SMAGP: variants seen among roughly 807,000 people sequenced by gnomAD.
The protein encoded by SMAGP is small cell transmembrane and glycosylated protein.
A neutral mutation model predicts 10.1 loss-of-function variants in SMAGP; 7 were observed. The observed-to-expected ratio is 0.70, with a 90% CI of 0.40 to 1.31. The LOEUF (loss-of-function observed/expected upper bound fraction) is 1.31. SMAGP is among the 50% of genes most tolerant of loss of function. The pLI is 0.01. For missense variants in SMAGP, 113 were observed against 116.5 expected (o/e 0.97, Z 0.14); for synonymous variants, 49 against 47.2 (o/e 1.04, Z -0.16).
At chr12:51,253,232 A>C (rs1486276952) in intron 2 of SMAGP, among the ~76,000 whole-genome samples, 3 of 152,196 alleles carry the variant, frequency 2.0e-5, no homozygotes, top group Non-Finnish European at 4.4e-5. Flanking sequence ...CTGAGATTCC[A>C]GGTTCCTAGA....
At chr12:51,248,428 ACACACACTCTCTCTCTCTCTCTCTCTCT>A (rs1944802577) in intron 2 of SMAGP, among the ~76,000 whole-genome samples, 3 of 104,530 alleles carry the variant, frequency 2.9e-5, no homozygotes, top group African/African-American at 1.2e-4. Flanking sequence ...ACACACACAC[ACACACACTCTCTCTCTCTCTCTCTCTCT>A]CTCTCTCTCT....
intron 2 of SMAGP, among the ~76,000 whole-genome samples, chr12:51,247,977 G>GGGT (rs1035211742): frequency 1.3e-5 from 2 of 152,176 alleles, no homozygotes; most frequent in Non-Finnish European, 2.9e-5. Context: ...GCTGAAGCAG[G>GGGT]GGTAAGAGTT....
At chr12:51,261,334 A>T (rs1473987776) in intron 2 of SMAGP, among the ~76,000 whole-genome samples, 1 of 151,976 alleles carries the variant, frequency 6.6e-6, no homozygotes, top group African/African-American at 2.4e-5. Context: ...TGACCTTGTG[A>T]TTTGCCCACC....
At chr12:51,262,925 G>A (rs1237107501) in intron 2 of SMAGP, among the ~76,000 whole-genome samples, 1 of 152,078 alleles carries the variant, frequency 6.6e-6, no homozygotes, top group African/African-American at 2.4e-5. Flanking sequence ...CCTGGGACTC[G>A]GCCCCCTTTC....
At chr12:51,263,659 C>T (rs1473561029) in intron 2 of SMAGP, among the ~76,000 whole-genome samples, 3 of 152,072 alleles carry the variant, frequency 2.0e-5, no homozygotes, top group South Asian at 2.1e-4. Flanking sequence ...ACAACCTAGG[C>T]GGTAGCTGGT....
At chr12:51,246,620 G>GTA in intron 3 of SMAGP, 131 bp downstream of exon 3, 1 of 563,704 alleles carries the variant, frequency 1.8e-6, no homozygotes, top group Non-Finnish European at 3.0e-6. Context: ...GTGTGTGTGT[G>GTA]TGTGTGTGTG....
At chr12:51,267,399 G>A (rs975071345) in intron 2 of SMAGP, among the ~76,000 whole-genome samples, 2 of 151,542 alleles carry the variant, frequency 1.3e-5, no homozygotes, top group Non-Finnish European at 2.9e-5. Flanking sequence ...TATGAACCTT[G>A]TCCGTCTTTC....
rs1400223601 is a variant in SMAGP at position 51,245,183 on chromosome 12, T to G, written c.*758A>C. 6.6e-6 allele frequency: 1 copy of G among 152,172 alleles called. No homozygotes were observed. The highest frequency in any genetic ancestry group is 1.5e-5 in the Non-Finnish European group (1 of 68,048). The allele number at this position is 152,172 out of a possible 1,614,324, so 9.4% of individuals were successfully genotyped here. On this transcript the variant is annotated 3_prime_UTR_variant, in exon 4 of 4. Coordinates refer to ENST00000603798, the MANE Select transcript of SMAGP (RefSeq NM_001031628.2). ...TGGAACAAGCTTTCCTGCACCATCT[T>G]TGTCTCAAATCCCTGAGATAGTTCT...
intron 2 of SMAGP, chr12:51,251,417 A>T (rs1336272589): frequency 3.1e-5 from 3 of 96,312 alleles, no homozygotes; most frequent in African/African-American, 9.8e-5. Flanking sequence ...TCCCATCTCT[A>T]CAAAAAAAAA....
At chr12:51,252,830 G>T (rs1944851652) in intron 2 of SMAGP, among the ~76,000 whole-genome samples, 1 of 110,854 alleles carries the variant, frequency 9.0e-6, no homozygotes, top group South Asian at 3.3e-4. Flanking sequence ...CTATCAAAGA[G>T]AATCATTTTT....
At chr12:51,246,144 G>A (rs201226647) in intron 3 of SMAGP, 25 bp from the exon 4 acceptor site, 1 of 1,612,408 alleles carries the variant, frequency 6.2e-7, no homozygotes, top group African/African-American at 1.3e-5. Context: ...GGAAAATGTA[G>A]AGATGTTTCA....
At chr12:51,246,728 G>T in intron 3 of SMAGP, 23 bp downstream of exon 3, 1 of 1,532,196 alleles carries the variant, frequency 6.5e-7, no homozygotes, top group East Asian at 2.4e-5. Flanking sequence ...AAGGTCCCTT[G>T]GAGTTGGCTC....
intron 2 of SMAGP, among the ~76,000 whole-genome samples, chr12:51,262,531 C>G (rs1048078081): frequency 6.6e-6 from 1 of 152,112 alleles, no homozygotes; most frequent in African/African-American, 2.4e-5. Flanking sequence ...TTCAGGAAAG[C>G]TGGCATAAAA....
chr12:51,244,763 T>A lies in SMAGP; in HGVS notation c.*1178A>T, dbSNP rs1944742337. Reference sequence around the variant, plus strand: ...TTCTGTATATATGTAGAAGGGATTCTGGGAAATTCTGGCCCTTGCCAGGAT... The same window carrying A: ...TTCTGTATATATGTAGAAGGGATTCAGGGAAATTCTGGCCCTTGCCAGGAT... On this transcript the variant is annotated 3_prime_UTR_variant, in exon 4 of 4. Coordinates refer to ENST00000603798, the MANE Select transcript of SMAGP (RefSeq NM_001031628.2). 6.6e-6 allele frequency: 1 copy of A among 151,560 alleles called. No homozygotes were observed. Among genetic ancestry groups the A allele is most frequent in the African/African-American group, 2.4e-5 (1 of 41,222 alleles). The allele number at this position is 151,560 out of a possible 1,614,324, so 9.4% of individuals were successfully genotyped here.
intron 2 of SMAGP, among the ~76,000 whole-genome samples, chr12:51,259,002 A>C (rs1193546595): frequency 6.7e-6 from 1 of 149,274 alleles, no homozygotes; most frequent in Non-Finnish European, 1.5e-5. Flanking sequence ...AAAAAAAAAA[A>C]AAAAAAAAAC....
chr12:51,252,485 G>C (rs1473916863), intron 2 of SMAGP, among the ~76,000 whole-genome samples: 1 of 147,782 alleles, frequency 6.8e-6, no homozygotes, highest in Admixed American at 6.7e-5. Flanking sequence ...TCCGCCCCCT[G>C]GGTTCAAGCA....
At position 51,249,137 on chromosome 12, in the gene SMAGP, G is replaced by A. The variant is rs376819164; in HGVS notation, c.35-2306C>T. On this transcript the variant is annotated intron_variant, in intron 2 of 3. Transcript: ENST00000603798. ...ACTAGCTGAACATGCAGAAGTTCCC[G>A]GAGGGTGACGCACCAGGGAGGGCGT... Among the ~76,000 whole-genome samples, 364 of 152,166 alleles carry A rather than the reference G, an allele frequency of 2.4e-3. 1 individual carries two copies. The highest frequency in any genetic ancestry group is 3.8e-3 in the Non-Finnish European group (258 of 67,988).
chr12:51,248,428 A>T (rs1020690941), intron 2 of SMAGP, among the ~76,000 whole-genome samples: 16 of 104,528 alleles, frequency 1.5e-4, no homozygotes, highest in African/African-American at 6.4e-4. Context: ...ACACACACAC[A>T]CACACACTCT....
rs142053485 is a variant in SMAGP, at chr12:51,267,532, C to T, written c.34+1713G>A. The stretch of plus-strand genomic sequence containing the variant: ...TTTTTAAGACAGGGTCTTGCTCTGT[C>T]ACCTAGGCCGGAGTGCAGTGGCATG... On this transcript the variant is annotated intron_variant, in intron 2 of 3. Coordinates refer to ENST00000603798, the MANE Select transcript of SMAGP (RefSeq NM_001031628.2). 5.5e-3 allele frequency among the ~76,000 whole-genome samples: 740 copies of T among 135,646 alleles called. 27 individuals are homozygous for T. The East Asian group carries it at 0.12, about 21-fold the overall frequency. The allele number at this position is 135,646 out of a possible 152,430, so 89.0% of individuals were successfully genotyped here.
Sources: allele counts gnomAD v4.1 joint callset (sites outside exome capture counted in the v4.1 genomes callset), GRCh38; gene constraint gnomAD v4.1.1; transcripts MANE v1.5; gene names NCBI Gene and HGNC (gene_info 2026-07-23, HGNC 2026-07-21).